The following SCAP variants were observed in gnomAD, a reference collection of about 807,000 sequenced individuals.
SCAP encodes SREBF chaperone.
SCAP carries 65 observed loss-of-function variants against 123.6 expected under a neutral mutation model. The ratio of observed to expected loss-of-function variants is 0.53; its 90% CI spans 0.43 to 0.65. SCAP has a LOEUF of 0.65. SCAP is among the 30% of genes least tolerant of loss of function. The pLI is 0.00. For synonymous variants in SCAP, 740 were observed against 726.3 expected, an observed-to-expected ratio of 1.02 and a Z score of -0.30; for missense variants, 1,398 against 1,712.5, an observed-to-expected ratio of 0.82 and a Z score of 3.24.
At position 47,417,426 on chromosome 3, in the gene SCAP, C is replaced by G; in HGVS notation, c.2848G>C (p.Gly950Arg). The G allele has an allele frequency of 1.3e-6, 2 of 1,562,254 alleles. No individual in the cohort carries two copies. Among genetic ancestry groups the G allele is most frequent in the Non-Finnish European group, 1.7e-6 (2 of 1,154,732 alleles). Residue 950 changes from glycine to arginine, a missense_variant, in exon 17 of 23, where the codon GGT becomes CGT. This residue lies in a region of SCAP where 828 missense variants were observed against 882.5 expected (regional missense o/e 0.94). Coordinates refer to ENST00000265565, the MANE Select transcript of SCAP (RefSeq NM_012235.4). The stretch of plus-strand genomic sequence containing the variant: ...GGGGAGCCTTTCTCGGGGGAGCCAC[C>G]CTCGTCCTCAGGGGCCTGGGACAGC... ...PVLSQAPEDE[G>R]GSPEKGSPSL...
At chr3:47,418,292 C>T in intron 15 of SCAP, 29 bp downstream of exon 15, 1 of 1,553,316 alleles carries the variant, frequency 6.4e-7, no homozygotes, top group Non-Finnish European at 8.7e-7. Context: ...TCCGGCCCTC[C>T]CCTACCCGGC....
At chr3:47,469,804 T>C (rs2108027604) in intron 1 of SCAP, 1 of 571,592 alleles carries the variant, frequency 1.7e-6, no homozygotes. Context: ...AGGAAGAGAC[T>C]TGCAAGGCTA....
At chr3:47,475,257 C>T (rs1403739236) in intron 1 of SCAP, among the ~76,000 whole-genome samples, 1 of 152,062 alleles carries the variant, frequency 6.6e-6, no homozygotes, top group Admixed American at 6.5e-5. Context: ...ACATTATAAG[C>T]CGGTTAAATA....
At chr3:47,438,818 CAA>C (rs58162151) in intron 2 of SCAP, among the ~76,000 whole-genome samples, 10 of 117,456 alleles carry the variant, frequency 8.5e-5, no homozygotes, top group Admixed American at 8.8e-5. Flanking sequence ...GACCCTGTCT[CAA>C]AAAAAAAAAA....
At position 47,442,861 on chromosome 3, in the gene SCAP, C is replaced by A; in HGVS notation, c.122+11G>T. 1 of 1,613,856 alleles carries A rather than the reference C, an allele frequency of 6.2e-7. No individual in the cohort carries two copies. ...CTGGCCCACCATATCCAAGGCAACC[C>A]AAAAACATACCAGCAGGCTAAGATG... On this transcript the variant is annotated intron_variant, in intron 2 of 22. Transcript: ENST00000265565.
Position 47,413,737 on chromosome 3 carries a change from A to ATTACAGTCAGGGGGCCGCT in SCAP, c.*116_*117insAGCGGCCCCCTGACTGTAA. 1.2e-5 allele frequency: 16 copies of ATTACAGTCAGGGGGCCGCT among 1,357,972 alleles called. No individual in the cohort carries two copies. The highest frequency in any genetic ancestry group is 1.5e-5 in the Non-Finnish European group (15 of 996,440). The allele number at this position is 1,357,972 out of a possible 1,614,324, so 84.1% of individuals were successfully genotyped here. ...TGGTTTTTTAAAAAAGTTTAATATTATTACAGTCAGGAGGCAGCGGCTGGA... is the reference window on the plus strand; with the variant it reads ...TGGTTTTTTAAAAAAGTTTAATATTATTACAGTCAGGGGGCCGCTTTACAGTCAGGAGGCAGCGGCTGGA... On this transcript the variant is annotated 3_prime_UTR_variant, in exon 23 of 23. Coordinates refer to ENST00000265565, the MANE Select transcript of SCAP (RefSeq NM_012235.4).
intron 14 of SCAP, 32 bp downstream of exon 14, chr3:47,418,623 C>CAT: frequency 1.4e-6 from 2 of 1,447,576 alleles, no homozygotes; most frequent in Non-Finnish European, 1.9e-6. Context: ...TCCCCGCACT[C>CAT]TTTCCCACCC....
At chr3:47,446,592 T>C (rs1707053538) in intron 1 of SCAP, among the ~76,000 whole-genome samples, 1 of 152,166 alleles carries the variant, frequency 6.6e-6, no homozygotes, top group South Asian at 2.1e-4. Context: ...TGCTTGGTCA[T>C]AAGGTAATTT....
At chr3:47,452,398 A>G (rs1384549357) in intron 1 of SCAP, among the ~76,000 whole-genome samples, 1 of 152,124 alleles carries the variant, frequency 6.6e-6, no homozygotes, top group Non-Finnish European at 1.5e-5. Context: ...GAACAAACCA[A>G]CCAACCCAAC....
rs189681997 is a variant in SCAP at position 47,453,897 on chromosome 3, G to A, written c.-98-10806C>T. ...CTAATTTTCTCCATTCAGCCTTCAG[G>A]CACTAGATAAAATGCTATTTCCTCC... is the stretch of plus-strand genomic sequence containing the variant. On this transcript the variant is annotated intron_variant, in intron 1 of 22. Transcript: ENST00000265565. Among the ~76,000 whole-genome samples the A allele has an allele frequency of 2.6e-4, 39 of 151,852 alleles. No homozygotes were observed. The East Asian group carries it at 7.0e-3, about 27-fold the overall frequency.
Position 47,416,553 on chromosome 3 carries a change from C to CT in SCAP, c.3056+568dup, listed in dbSNP as rs202089530. Among the ~76,000 whole-genome samples, 818 of 150,718 alleles carry CT rather than the reference C, an allele frequency of 5.4e-3. 7 individuals carry two copies. Among genetic ancestry groups the CT allele is most frequent in the African/African-American group, 0.019 (781 of 40,858 alleles). On this transcript the variant is annotated intron_variant, in intron 18 of 22. Coordinates refer to ENST00000265565, the MANE Select transcript of SCAP (RefSeq NM_012235.4). Reference sequence around the variant, plus strand: ...AGTATATCACTCCCCACTGTCACTGCTTAAGGCCCTGGGAGGTCACCATGT... The same window carrying CT: ...AGTATATCACTCCCCACTGTCACTGCTTTAAGGCCCTGGGAGGTCACCATGT...
intron 2 of SCAP, among the ~76,000 whole-genome samples, chr3:47,437,462 C>T (rs1432192346): frequency 6.7e-6 from 1 of 149,578 alleles, no homozygotes; most frequent in African/African-American, 2.5e-5. Context: ...TAAAGTTGGC[C>T]AGGTGAGGTG....
Position 47,475,883 on chromosome 3 carries a change from T to C in SCAP, c.-183A>G. On this transcript the variant is annotated 5_prime_UTR_variant, in exon 1 of 23. Coordinates refer to ENST00000265565, the MANE Select transcript of SCAP (RefSeq NM_012235.4). ...CAGGGGCGGAGCGCGGCGTGCGCGC[T>C]CTCGGCCCGCAGTCCGGTGCGTGGC... 1 of 157,512 alleles carries C rather than the reference T, an allele frequency of 6.3e-6. No homozygotes were observed. Among genetic ancestry groups the C allele is most frequent in the Non-Finnish European group, 1.4e-5 (1 of 72,770 alleles). 9.8% of individuals were successfully genotyped at this position (157,512 alleles called of 1,614,324 possible).
intron 1 of SCAP, among the ~76,000 whole-genome samples, chr3:47,462,753 CAAAAA>C (rs369097240): frequency 5.0e-5 from 4 of 79,612 alleles, no homozygotes; most frequent in Admixed American, 1.3e-4. Flanking sequence ...AACTCCGTCT[CAAAAA>C]AAAAAAAAAA....
intron 1 of SCAP, among the ~76,000 whole-genome samples, chr3:47,446,205 G>A (rs1460782274): frequency 9.7e-5 from 13 of 134,488 alleles, no homozygotes; most frequent in Non-Finnish European, 1.6e-4. Flanking sequence ...ATGGAGTCTC[G>A]CTCTGTCGCC....
chr3:47,417,560 C>G lies in SCAP; in HGVS notation c.2714G>C (p.Arg905Pro). The change falls in exon 17 of 23, where the codon CGG (arginine) becomes CCG (proline). Residue 905 changes from arginine to proline, a missense_variant. By Grantham distance (103) the Arg-to-Pro change is moderately radical. Around this residue, in one of 7 missense-constraint regions of SCAP, gnomAD observed 828 missense variants for 882.5 expected, o/e 0.94. Transcript: ENST00000265565. ...PRHRAVCGRS[R>P]DSPGYDFSCL... Reference sequence around the variant, plus strand: ...GCTGAAGTCATAGCCTGGGGAGTCCCGAGAGCGGCCACAGACCGCCCGGTG... The same window carrying G: ...GCTGAAGTCATAGCCTGGGGAGTCCGGAGAGCGGCCACAGACCGCCCGGTG... 6.3e-7 allele frequency: 1 copy of G among 1,581,648 alleles called. No homozygotes were observed. The highest frequency in any genetic ancestry group is 8.6e-7 in the Non-Finnish European group (1 of 1,165,068).
Position 47,414,250 on chromosome 3 carries a change from CTGA to C in SCAP, c.3521_3523del (p.Ile1174del). On this transcript the variant is annotated inframe_deletion, in exon 22 of 23. Transcript: ENST00000265565. ...GCTGATGAGGTCATCCAGGCCACTG[CTGA>C]TGACACAGGAGGTGGTACAGGTAAG... 3 of 1,613,704 alleles carry C rather than the reference CTGA, an allele frequency of 1.9e-6. No individual in the cohort carries two copies. Among genetic ancestry groups the C allele is most frequent in the Non-Finnish European group, 2.5e-6 (3 of 1,180,022 alleles).
At chr3:47,430,206 T>C (rs996707407) in intron 3 of SCAP, among the ~76,000 whole-genome samples, 3 of 152,202 alleles carry the variant, frequency 2.0e-5, no homozygotes, top group Admixed American at 6.5e-5. Flanking sequence ...GGCTCAGGCA[T>C]TGTGCCTGCC....
intron 10 of SCAP, among the ~76,000 whole-genome samples, chr3:47,421,992 G>A (rs1005084517): frequency 1.2e-4 from 19 of 152,274 alleles, no homozygotes; most frequent in Admixed American, 2.6e-4. Context: ...AAGGCCATGC[G>A]TCTGGCGACT....
Sources: allele counts gnomAD v4.1 joint callset (sites outside exome capture counted in the v4.1 genomes callset), GRCh38; gene constraint gnomAD v4.1.1; regional missense constraint gnomAD v4.1.1; transcripts MANE v1.5; gene names NCBI Gene and HGNC (gene_info 2026-07-23, HGNC 2026-07-21).